The following ST8SIA4 variants were observed in gnomAD, a reference collection of about 807,000 sequenced individuals.
ST8SIA4 encodes ST8 alpha-N-acetyl-neuraminide alpha-2,8-sialyltransferase 4.
In ST8SIA4, 15 loss-of-function variants were observed where a neutral mutation model predicts 33.9. The ratio of observed to expected loss-of-function variants is 0.44; its 90% CI spans 0.30 to 0.68. ST8SIA4 has a LOEUF of 0.68. ST8SIA4 is among the 30% of genes least tolerant of loss of function. ST8SIA4 has a pLI of 0.10. For synonymous variants in ST8SIA4, 171 were observed against 151.2 expected (o/e 1.13, Z -0.96); for missense variants, 321 against 428.0 (o/e 0.75, Z 2.21).
chr5:100,865,846 C>T (rs1391755674), intron 3 of ST8SIA4, among the ~76,000 whole-genome samples: 1 of 151,990 alleles, frequency 6.6e-6, no homozygotes, highest in African/African-American at 2.4e-5. Context: ...TTTAGTTACG[C>T]CTTGCTTAGA....
At chr5:100,817,150 G>GTTTTT (rs1750943534) in intron 4 of ST8SIA4, among the ~76,000 whole-genome samples, 1 of 110,636 alleles carries the variant, frequency 9.0e-6, no homozygotes, top group Non-Finnish European at 1.7e-5. Flanking sequence ...TGTATTTTTG[G>GTTTTT]TAGAGACTGG....
rs548340958 is a variant in ST8SIA4 at position 100,807,519 on chromosome 5, T to C, written c.*4328A>G. On this transcript the variant is annotated 3_prime_UTR_variant, in exon 5 of 5. Coordinates refer to ENST00000231461, the MANE Select transcript of ST8SIA4 (RefSeq NM_005668.6). Reference sequence around the variant, plus strand: ...AGAAACACAAGGCCTGGAGCCACAATCTGAAAACTGTAATTCGAATACATT... The same window carrying C: ...AGAAACACAAGGCCTGGAGCCACAACCTGAAAACTGTAATTCGAATACATT... 1 of 152,672 alleles carries C rather than the reference T, an allele frequency of 6.5e-6. No individual in the cohort carries two copies. The highest frequency in any genetic ancestry group is 2.1e-4 in the South Asian group (1 of 4,826). The allele number at this position is 152,672 out of a possible 1,614,324, so 9.5% of individuals were successfully genotyped here.
At chr5:100,852,890 G>T (rs1751735225) in intron 4 of ST8SIA4, among the ~76,000 whole-genome samples, 1 of 152,144 alleles carries the variant, frequency 6.6e-6, no homozygotes, top group Non-Finnish European at 1.5e-5. Context: ...CTGTGTTCAG[G>T]AATCTTGTTT....
At position 100,887,180 on chromosome 5, in the gene ST8SIA4, G is replaced by C. The variant is rs565313516; in HGVS notation, c.246-580C>G. Among the ~76,000 whole-genome samples, 4 of 152,118 alleles carry C rather than the reference G, an allele frequency of 2.6e-5. No homozygotes were observed. In the South Asian group the frequency reaches 8.3e-4, roughly 31 times the overall value. On this transcript the variant is annotated intron_variant, in intron 2 of 4. Transcript: ENST00000231461. ...GATGTATATGCAACTTTTTCTCTAA[G>C]ATCAAGAGTCCTGGAAGTAAGATGG...
rs141047797 is a variant in ST8SIA4 at position 100,871,642 on chromosome 5, C to A, written c.503+14701G>T. 5.2e-3 allele frequency among the ~76,000 whole-genome samples: 796 copies of A among 152,160 alleles called. 36 individuals carry two copies. The highest frequency in any genetic ancestry group is 0.049 in the Admixed American group (751 of 15,256). On this transcript the variant is annotated intron_variant, in intron 3 of 4. Coordinates refer to ENST00000231461, the MANE Select transcript of ST8SIA4 (RefSeq NM_005668.6). The stretch of plus-strand genomic sequence containing the variant: ...GACAATAATAATTTGTGTCTCTAGT[C>A]AACAGGCTTTCCTTTTAGCCATGGC...
chr5:100,839,753 T>C (rs1430477235), intron 4 of ST8SIA4, among the ~76,000 whole-genome samples: 3 of 151,790 alleles, frequency 2.0e-5, no homozygotes, highest in Non-Finnish European at 4.4e-5. Context: ...AAAGAAATGA[T>C]AAAATGGCAC....
At chr5:100,828,828 GT>G (rs956243622) in intron 4 of ST8SIA4, among the ~76,000 whole-genome samples, 6 of 151,606 alleles carry the variant, frequency 4.0e-5, no homozygotes, top group African/African-American at 1.5e-4. Context: ...GAAGAGTTCC[GT>G]TTTTTTTCAA....
At chr5:100,876,942 T>C (rs1402826097) in intron 3 of ST8SIA4, among the ~76,000 whole-genome samples, 2 of 152,054 alleles carry the variant, frequency 1.3e-5, no homozygotes, top group Non-Finnish European at 2.9e-5. Context: ...TTAAAAGCAT[T>C]ATTTAACGTA....
intron 3 of ST8SIA4, among the ~76,000 whole-genome samples, chr5:100,871,980 G>T (rs925819171): frequency 1.3e-4 from 19 of 152,000 alleles, no homozygotes; most frequent in Non-Finnish European, 2.6e-4. Context: ...TCTTGTAAAG[G>T]TTTAAATTCT....
chr5:100,819,163 T>C (rs73775642), intron 4 of ST8SIA4, among the ~76,000 whole-genome samples: 2,311 of 152,304 alleles, frequency 0.015, 69 homozygotes, highest in African/African-American at 0.053. Flanking sequence ...GAGGATGCAG[T>C]TGTGGCTCAA....
intron 4 of ST8SIA4, among the ~76,000 whole-genome samples, chr5:100,827,135 A>G (rs1751165239): frequency 1.3e-5 from 2 of 152,180 alleles, no homozygotes; most frequent in South Asian, 2.1e-4. Flanking sequence ...TAATGGTACA[A>G]GTCAGAAGTT....
chr5:100,835,918 G>A (rs1751354259), intron 4 of ST8SIA4, among the ~76,000 whole-genome samples: 1 of 152,056 alleles, frequency 6.6e-6, no homozygotes, highest in Non-Finnish European at 1.5e-5. Context: ...CTGAAATCAA[G>A]GTAAGGCATA....
chr5:100,828,381 C>T (rs1055151213), intron 4 of ST8SIA4, among the ~76,000 whole-genome samples: 8 of 152,264 alleles, frequency 5.3e-5, no homozygotes, highest in Admixed American at 3.9e-4. Context: ...AGCAACTTTC[C>T]GGTACTCCTT....
chr5:100,881,016 A>G (rs1403995580), intron 3 of ST8SIA4, among the ~76,000 whole-genome samples: 4 of 152,218 alleles, frequency 2.6e-5, no homozygotes, highest in Admixed American at 1.3e-4. Context: ...TCAACTCCCC[A>G]TATATGTGCT....
intron 4 of ST8SIA4, among the ~76,000 whole-genome samples, chr5:100,821,228 G>A (rs1436273183): frequency 2.0e-5 from 3 of 151,968 alleles, no homozygotes; most frequent in African/African-American, 4.8e-5. Flanking sequence ...AGAGGACATG[G>A]AGTCCTACAA....
chr5:100,847,910 G>A (rs1195571420), intron 4 of ST8SIA4, among the ~76,000 whole-genome samples: 1 of 151,928 alleles, frequency 6.6e-6, no homozygotes, highest in Non-Finnish European at 1.5e-5. Flanking sequence ...TCCTGGGCGG[G>A]TACATTAAGT....
intron 3 of ST8SIA4, among the ~76,000 whole-genome samples, chr5:100,880,393 A>C (rs1251570947): frequency 1.3e-5 from 2 of 152,194 alleles, no homozygotes; most frequent in Non-Finnish European, 2.9e-5. Context: ...GAAGACTTGC[A>C]GAGGATATTC....
At chr5:100,900,655 AGC>A (rs1389131218) in intron 1 of ST8SIA4, among the ~76,000 whole-genome samples, 1 of 151,786 alleles carries the variant, frequency 6.6e-6, no homozygotes, top group Non-Finnish European at 1.5e-5. Context: ...CACGGGTGTA[AGC>A]GCGACGTTCG....
At chr5:100,859,072 A>G (rs954299471) in intron 3 of ST8SIA4, among the ~76,000 whole-genome samples, 2 of 152,090 alleles carry the variant, frequency 1.3e-5, no homozygotes, top group Non-Finnish European at 2.9e-5. Context: ...GCTGAATGCC[A>G]CTTATTTAAA....
Sources: gnomAD v4.1 joint callset for allele counts (sites outside exome capture counted in the v4.1 genomes callset) on GRCh38, gnomAD v4.1.1 for gene constraint, MANE v1.5 for transcripts, NCBI Gene and HGNC (gene_info 2026-07-23, HGNC 2026-07-21) for gene names.